Variants in PZP observed in about 807,000 individuals in gnomAD.
The protein encoded by PZP is pregnancy zone protein.
In PZP, 150 loss-of-function variants were observed where a neutral mutation model predicts 179.8. The observed-to-expected ratio is 0.83, with a 90% CI of 0.73 to 0.96. The LOEUF (loss-of-function observed/expected upper bound fraction) is 0.96, where lower values mean the gene tolerates loss of function less well. Among genes scored for constraint, PZP ranks in the 40% least tolerant of loss-of-function variants. The pLI is 0.00. For synonymous variants in PZP, 624 were observed against 652.3 expected, an observed-to-expected ratio of 0.96 and a Z score of 0.66; for missense variants, 1,689 against 1,764.0, an observed-to-expected ratio of 0.96 and a Z score of 0.76.
At position 9,157,816 on chromosome 12, in the gene PZP, AG is replaced by A; in HGVS notation, c.3319del (p.Leu1107SerfsTer34). 1 of 1,614,034 alleles carries A rather than the reference AG, an allele frequency of 6.2e-7. No individual in the cohort carries two copies. Among genetic ancestry groups the A allele is most frequent in the East Asian group, 2.2e-5 (1 of 44,886 alleles). ...AAGGGCAATAGTAACATAGGCGGAG[AG>A]GGTCGCTTCATCTTCTACACCTCCC... ...IKGGVEDEAT[L>X]SAYVTIALLE... is the part of the protein sequence containing the mutation. On this transcript the variant is annotated frameshift_variant, in exon 27 of 36. Coordinates refer to ENST00000261336, the MANE Select transcript of PZP (RefSeq NM_002864.3). LOFTEE classifies it high-confidence loss of function.
intron 13 of PZP, among the ~76,000 whole-genome samples, chr12:9,183,087 G>A (rs1221465299): frequency 6.6e-6 from 1 of 152,172 alleles, no homozygotes; most frequent in Non-Finnish European, 1.5e-5. Context: ...TAGAATTGTA[G>A]AAGAACTATA....
rs759952286 is a variant in PZP, at chr12:9,150,681, C to T, written c.4347G>A (p.Lys1449=). 1.2e-6 allele frequency: 2 copies of T among 1,612,616 alleles called. No homozygotes were observed. The highest frequency in any genetic ancestry group is 2.7e-5 in the African/African-American group (2 of 74,980). ...AATCATAGACTTTAACAATTGCTGGCTTCAAGTCTCCTACTGGGATGTCTT... is the reference window on the plus strand; with the variant it reads ...AATCATAGACTTTAACAATTGCTGGTTTCAAGTCTCCTACTGGGATGTCTT... The part of the protein sequence containing the change: ...VLQDIPVGDL[K]PAIVKVYDYY... The change falls in exon 34 of 36, where the codon AAG becomes AAA. Residue 1449 remains lysine (K), a synonymous_variant. Transcript: ENST00000261336.
chr12:9,159,956 C>T lies in PZP; in HGVS notation c.3119G>A (p.Arg1040Lys). Residue 1040 changes from arginine (R) to lysine (K), a missense_variant, in exon 25 of 36, where the codon AGG becomes AAG. By Grantham distance (26) the Arg-to-Lys change is conservative. Around this residue, in one of 3 missense-constraint regions of PZP, gnomAD observed 746 missense variants for 749.2 expected, o/e 1.00. Transcript: ENST00000261336. ...TTCTTACCAAGTGTTGCCCTGGTTC[C>T]TGCCATATCGTTCCCCAAAGGTGCT... ...SYSTFGERYG[R>K]NQGNTWLTAF... 6.2e-7 allele frequency: 1 copy of T among 1,613,282 alleles called. No individual in the cohort carries two copies. The highest frequency in any genetic ancestry group is 8.5e-7 in the Non-Finnish European group (1 of 1,179,296).
chr12:9,150,618 G>T, intron 34 of PZP, 26 bp downstream of exon 34: 2 of 1,467,720 alleles, frequency 1.4e-6, no homozygotes, highest in Non-Finnish European at 1.9e-6. Context: ...CTCTGGTTAA[G>T]ATTGTTTCAT....
At chr12:9,155,355 G>A (rs753531075) in intron 28 of PZP, among the ~76,000 whole-genome samples, 4 of 151,976 alleles carry the variant, frequency 2.6e-5, no homozygotes, top group Non-Finnish European at 4.4e-5. Context: ...CTCTTCCAGA[G>A]TTAACTACTT....
At chr12:9,187,527 T>G (rs983361664) in intron 13 of PZP, among the ~76,000 whole-genome samples, 1 of 152,114 alleles carries the variant, frequency 6.6e-6, no homozygotes, top group Non-Finnish European at 1.5e-5. Flanking sequence ...AAGAAGAAAA[T>G]CACTCAAAAC....
chr12:9,202,401 G>C, intron 3 of PZP, 30 bp from the exon 4 acceptor site: 1 of 1,614,084 alleles, frequency 6.2e-7, no homozygotes, highest in Middle Eastern at 1.7e-4. Flanking sequence ...ATAAGATTCA[G>C]ACATGATAAA....
intron 15 of PZP, among the ~76,000 whole-genome samples, chr12:9,175,645 A>G (rs985289478): frequency 6.6e-5 from 10 of 152,230 alleles, no homozygotes; most frequent in African/African-American, 2.4e-4. Flanking sequence ...AAGTGGGCAA[A>G]GGACATGAAC....
intron 13 of PZP, among the ~76,000 whole-genome samples, chr12:9,183,107 AT>A (rs1302930532): frequency 2.0e-5 from 3 of 152,304 alleles, no homozygotes; most frequent in African/African-American, 4.8e-5. Flanking sequence ...AATTGATTTT[AT>A]TTTTTTCTTA....
chr12:9,139,871 C>G, the PZP span, among the ~76,000 whole-genome samples: 1 of 152,138 alleles, frequency 6.6e-6, no homozygotes, highest in Non-Finnish European at 1.5e-5. Flanking sequence ...GGACCACTCT[C>G]TCTTACAGAC....
chr12:9,181,931 T>C (rs773421657), intron 14 of PZP, 44 bp downstream of exon 14: 2 of 1,594,108 alleles, frequency 1.3e-6, no homozygotes, highest in Admixed American at 1.7e-5. Context: ...GCACCTACAG[T>C]ATCATTTATT....
intron 20 of PZP, 132 bp downstream of exon 20, chr12:9,164,001 T>G: frequency 7.6e-7 from 1 of 1,315,944 alleles, no homozygotes; most frequent in Non-Finnish European, 1.0e-6. Flanking sequence ...TCATAGTGGA[T>G]AGAAATAGGA....
chr12:9,143,665 G>A, the PZP span, among the ~76,000 whole-genome samples: 15 of 152,096 alleles, frequency 9.9e-5, no homozygotes, highest in Non-Finnish European at 2.1e-4. Context: ...CAAGGTCCCT[G>A]AGAATTTGAA....
chr12:9,193,417 A>G (rs1461661105), intron 11 of PZP, among the ~76,000 whole-genome samples: 1 of 152,196 alleles, frequency 6.6e-6, no homozygotes, highest in Non-Finnish European at 1.5e-5. Context: ...ACATCATACT[A>G]ATAATTTACA....
At chr12:9,153,733 C>G (rs750214007) in intron 29 of PZP, among the ~76,000 whole-genome samples, 120 of 152,244 alleles carry the variant, frequency 7.9e-4, no homozygotes, top group African/African-American at 2.6e-3. Flanking sequence ...ACAAGTTGCA[C>G]TTTCTTGAGT....
At chr12:9,189,881 C>A (rs1393278382) in intron 13 of PZP, among the ~76,000 whole-genome samples, 1 of 151,740 alleles carries the variant, frequency 6.6e-6, no homozygotes, top group Non-Finnish European at 1.5e-5. Context: ...GCCAACAAGC[C>A]AATGAAAAAA....
At position 9,200,240 on chromosome 12, in the gene PZP, A is replaced by G. The variant is rs868686470; in HGVS notation, c.755+124T>C. 2.6e-5 allele frequency: 14 copies of G among 545,540 alleles called. No homozygotes were observed. In the Middle Eastern group the frequency reaches 1.3e-3, roughly 49 times the overall value. 33.8% of individuals were successfully genotyped at this position (545,540 alleles called of 1,614,324 possible). On this transcript the variant is annotated intron_variant, in intron 7 of 35. Coordinates refer to ENST00000261336, the MANE Select transcript of PZP (RefSeq NM_002864.3). ...ATTTTAATAGTAAGTCGTTAAATAA[A>G]GAGAAGTCAAAGGAGTAATATTACA...
rs764137960 is a variant in PZP, at chr12:9,197,611, T to G, written c.756-488A>C. Among the ~76,000 whole-genome samples the G allele has an allele frequency of 1.5e-3, 142 of 95,456 alleles. 5 individuals carry two copies. Among genetic ancestry groups the G allele is most frequent in the African/African-American group, 5.9e-3 (136 of 23,096 alleles). 62.6% of individuals were successfully genotyped at this position (95,456 alleles called of 152,430 possible). ...TATAATATATAAATATAATATATAT[T>G]ATATATTTATATATTATATTATATA... On this transcript the variant is annotated intron_variant, in intron 7 of 35. Coordinates refer to ENST00000261336, the MANE Select transcript of PZP (RefSeq NM_002864.3).
In PZP at chr12:9,196,926, T is replaced by A; in HGVS notation, c.867+86A>T. On this transcript the variant is annotated intron_variant, in intron 8 of 35. Coordinates refer to ENST00000261336, the MANE Select transcript of PZP (RefSeq NM_002864.3). ...TGGGGGATATTTTGCGACAAGCTTGTCCTGATGCCCTCTTTCTAGTTAGTA... is the reference window on the plus strand; with the variant it reads ...TGGGGGATATTTTGCGACAAGCTTGACCTGATGCCCTCTTTCTAGTTAGTA... The A allele has an allele frequency of 2.8e-6, 3 of 1,089,888 alleles. No individual in the cohort carries two copies. In the South Asian group the frequency reaches 4.3e-5, roughly 16 times the overall value. The allele number at this position is 1,089,888 out of a possible 1,614,324, so 67.5% of individuals were successfully genotyped here. A position where few individuals can be genotyped will look rare whatever the true frequency, so the allele number is the denominator to read the frequency against.
Sources: gnomAD v4.1 joint callset for allele counts (sites outside exome capture counted in the v4.1 genomes callset) on GRCh38, gnomAD v4.1.1 for gene constraint, gnomAD v4.1.1 regional missense constraint, MANE v1.5 for transcripts, NCBI Gene and HGNC (gene_info 2026-07-23, HGNC 2026-07-21) for gene names.